Variants in GLIS3 observed in about 807,000 individuals in gnomAD.
The protein encoded by GLIS3 is GLIS family zinc finger 3, also known as zinc finger protein GLIS3.
GLIS3 carries 53 observed loss-of-function variants against 78.6 expected under a neutral mutation model. The observed-to-expected ratio is 0.67, with a 90% confidence interval of 0.54 to 0.85. GLIS3 has a LOEUF of 0.85. GLIS3 is among the 40% of genes least tolerant of loss of function. GLIS3 has a pLI of 0.00. For synonymous variants in GLIS3, 684 were observed against 509.9 expected, an observed-to-expected ratio of 1.34 and a Z score of -4.60; for missense variants, 1,703 against 1,231.1, an observed-to-expected ratio of 1.38 and a Z score of -5.74.
chr9:3,828,337 A>T lies in GLIS3; in HGVS notation c.2728T>A (p.Phe910Ile). 1 of 1,614,080 alleles carries T rather than the reference A, an allele frequency of 6.2e-7. No individual in the cohort carries two copies. Among genetic ancestry groups the T allele is most frequent in the Non-Finnish European group, 8.5e-7 (1 of 1,180,010 alleles). ...CGGTCCACGGTGCTGATCTGCAAGAAGGTAGCATCTTCAGCCCCGCTGCGG... is the reference window on the plus strand; with the variant it reads ...CGGTCCACGGTGCTGATCTGCAAGATGGTAGCATCTTCAGCCCCGCTGCGG... ...SLRSGAEDAT[F>I]LQISTVDRCP... The change falls in exon 11 of 11, where the codon TTC becomes ATC. Residue 910 changes from phenylalanine (F) to isoleucine (I), a missense_variant. Physicochemically the swap from Phe to Ile is conservative, Grantham distance 21. Coordinates refer to ENST00000381971, the MANE Select transcript of GLIS3 (RefSeq NM_001042413.2).
chr9:4,365,562 AAAG>A, the GLIS3 span, among the ~76,000 whole-genome samples: 3 of 151,914 alleles, frequency 2.0e-5, no homozygotes, highest in South Asian at 4.1e-4. Context: ...TCTCAAAAAA[AAAG>A]AAAAAAGAAA....
chr9:4,372,713 C>T, the GLIS3 span, among the ~76,000 whole-genome samples: 2 of 152,170 alleles, frequency 1.3e-5, no homozygotes, highest in Admixed American at 1.3e-4. Flanking sequence ...TGCTTAAATA[C>T]ATGATTTTCC....
At chr9:4,234,235 A>G (rs933821707) in intron 2 of GLIS3, among the ~76,000 whole-genome samples, 2 of 152,240 alleles carry the variant, frequency 1.3e-5, no homozygotes, top group African/African-American at 4.8e-5. Context: ...AATGTTTGAC[A>G]CAATTGGTTT....
chr9:4,006,507 G>C (rs149442058), intron 4 of GLIS3, among the ~76,000 whole-genome samples: 68 of 152,232 alleles, frequency 4.5e-4, no homozygotes, highest in African/African-American at 1.6e-3. Flanking sequence ...TGAGGACCTA[G>C]GATGGTTTGC....
intron 7 of GLIS3, among the ~76,000 whole-genome samples, chr9:3,886,278 TA>T (rs1416803109): frequency 6.6e-6 from 1 of 152,128 alleles, no homozygotes; most frequent in Non-Finnish European, 1.5e-5. Context: ...TTTGTTGTTC[TA>T]TTTTTTTTAT....
rs1361170454 is a variant in GLIS3 at position 3,824,471 on chromosome 9, C to T, written c.*3801G>A. 1 of 152,262 alleles carries T rather than the reference C, an allele frequency of 6.6e-6. No homozygotes were observed. Among genetic ancestry groups the T allele is most frequent in the African/African-American group, 2.4e-5 (1 of 41,440 alleles). The allele number at this position is 152,262 out of a possible 1,614,324, so 9.4% of individuals were successfully genotyped here. On this transcript the variant is annotated 3_prime_UTR_variant, in exon 11 of 11. Coordinates refer to ENST00000381971, the MANE Select transcript of GLIS3 (RefSeq NM_001042413.2). ...TGAAGGAGGATTTTAGGCAGGAGGG[C>T]GTCTTCTCTATTTCCAGTTTTATTC...
In GLIS3 at chr9:3,937,780, CTAATGAG is replaced by C. The variant is rs575520206; in HGVS notation, c.1711-598_1711-592del. On this transcript the variant is annotated intron_variant, in intron 4 of 10. Transcript: ENST00000381971. ...GTTAATGTATATGGTAATGCCAAGG[CTAATGAG>C]ATAAAGTTTTTAACAGGCTCTTACA... Among the ~76,000 whole-genome samples, 4 of 152,194 alleles carry C rather than the reference CTAATGAG, an allele frequency of 2.6e-5. No individual in the cohort carries two copies. The South Asian group carries it at 8.3e-4, about 32-fold the overall frequency.
rs542508516 is a variant in GLIS3, at chr9:4,112,127, G to A, written c.1710+5641C>T. ...TTCCACTGCCAAATCAAGGAGGCAAGGAGGTGGCAACAATGTATACATGGT... is the reference window on the plus strand; with the variant it reads ...TTCCACTGCCAAATCAAGGAGGCAAAGAGGTGGCAACAATGTATACATGGT... On this transcript the variant is annotated intron_variant, in intron 4 of 10. Coordinates refer to ENST00000381971, the MANE Select transcript of GLIS3 (RefSeq NM_001042413.2). Among the ~76,000 whole-genome samples the A allele has an allele frequency of 6.6e-5, 10 of 152,278 alleles. No homozygotes were observed. The East Asian group carries it at 1.9e-3, about 29-fold the overall frequency.
chr9:4,074,089 T>C (rs1439373461), intron 4 of GLIS3, among the ~76,000 whole-genome samples: 1 of 152,224 alleles, frequency 6.6e-6, no homozygotes, highest in African/African-American at 2.4e-5. Flanking sequence ...TCCAGCTCCC[T>C]TCCGCCGGAC....
chr9:4,453,215 G>C, the GLIS3 span, among the ~76,000 whole-genome samples: 1 of 151,888 alleles, frequency 6.6e-6, no homozygotes, highest in East Asian at 1.9e-4. Flanking sequence ...AACTCTAGAA[G>C]AAAACCTAGG....
chr9:4,328,193 A>G (rs1431897971), intron 2 of GLIS3, among the ~76,000 whole-genome samples: 1 of 152,128 alleles, frequency 6.6e-6, no homozygotes, highest in Non-Finnish European at 1.5e-5. Flanking sequence ...AAGACCCGAG[A>G]CTGACTAACC....
chr9:4,128,417 A>T (rs1586751444), intron 2 of GLIS3, among the ~76,000 whole-genome samples: 1 of 152,362 alleles, frequency 6.6e-6, no homozygotes, highest in East Asian at 1.9e-4. Context: ...TGTTTGAAGC[A>T]TCTCTACTTC....
chr9:4,198,281 A>C (rs1252011931), intron 2 of GLIS3, among the ~76,000 whole-genome samples: 1 of 152,230 alleles, frequency 6.6e-6, no homozygotes, highest in Non-Finnish European at 1.5e-5. Context: ...AGGAAATGAA[A>C]GAAAAGATAA....
intron 4 of GLIS3, among the ~76,000 whole-genome samples, chr9:3,976,522 C>T (rs183022315): frequency 1.2e-3 from 186 of 151,910 alleles, no homozygotes; most frequent in African/African-American, 4.2e-3. Flanking sequence ...AACTCCTTCC[C>T]CTTTCTAAGT....
chr9:4,245,036 G>A (rs146751701), intron 2 of GLIS3, among the ~76,000 whole-genome samples: 82 of 152,234 alleles, frequency 5.4e-4, no homozygotes, highest in Non-Finnish European at 9.9e-4. Flanking sequence ...TCAAATAAAA[G>A]ATCTTGGTTC....
At chr9:4,162,989 T>C (rs1466064243) in intron 2 of GLIS3, among the ~76,000 whole-genome samples, 3 of 151,658 alleles carry the variant, frequency 2.0e-5, no homozygotes, top group African/African-American at 4.8e-5. Context: ...GCTCCCTAAG[T>C]AGGGTACTTT....
At chr9:3,965,347 C>T (rs13297253) in intron 4 of GLIS3, among the ~76,000 whole-genome samples, 7,240 of 151,808 alleles carry the variant, frequency 0.048, 241 homozygotes, top group Middle Eastern at 0.088. Context: ...GCGCGAGCCA[C>T]CACTCCTGGC....
intron 5 of GLIS3, among the ~76,000 whole-genome samples, chr9:3,936,354 C>G (rs941550498): frequency 3.3e-5 from 5 of 152,106 alleles, no homozygotes; most frequent in Admixed American, 2.6e-4. Flanking sequence ...TGGGAATGAG[C>G]AAAATGTTGT....
intron 2 of GLIS3, among the ~76,000 whole-genome samples, chr9:4,345,569 G>C (rs886276247): frequency 6.6e-6 from 1 of 152,164 alleles, no homozygotes; most frequent in Non-Finnish European, 1.5e-5. Context: ...TGCAGAGGAA[G>C]AAACAGGTTC....
Sources: allele counts gnomAD v4.1 joint callset (sites outside exome capture counted in the v4.1 genomes callset), GRCh38; gene constraint gnomAD v4.1.1; transcripts MANE v1.5; gene names NCBI Gene and HGNC (gene_info 2026-07-23, HGNC 2026-07-21).